Variants in ROBO1 observed in about 807,000 individuals in gnomAD.
ROBO1 encodes the protein roundabout guidance receptor 1, also known as roundabout homolog 1.
Under a neutral mutation model 195.9 loss-of-function variants are expected in ROBO1, and 149 were observed. That is an observed-to-expected ratio of 0.76 (90% CI 0.67 to 0.87). The LOEUF (loss-of-function observed/expected upper bound fraction) is 0.87, where lower values mean the gene tolerates loss of function less well. Among genes scored for constraint, ROBO1 ranks in the 40% least tolerant of loss-of-function variants. The pLI is 0.00. For missense variants in ROBO1, 1,933 were observed against 2,068.3 expected (o/e 0.93, Z 1.27); for synonymous variants, 816 against 733.2 (o/e 1.11, Z -1.82).
intron 1 of ROBO1, among the ~76,000 whole-genome samples, chr3:79,674,184 T>C (rs2106923742): frequency 6.6e-6 from 1 of 152,150 alleles, no homozygotes; most frequent in South Asian, 2.1e-4. Context: ...GGACCTGCAA[T>C]TGAGACACAC....
intron 2 of ROBO1, among the ~76,000 whole-genome samples, chr3:79,167,274 T>C (rs546490862): frequency 2.0e-5 from 3 of 152,258 alleles, no homozygotes; most frequent in South Asian, 4.1e-4. Context: ...TTTTTTTGTT[T>C]ACTCTTCACT....
intron 2 of ROBO1, among the ~76,000 whole-genome samples, chr3:79,477,692 T>G (rs1938615901): frequency 6.6e-6 from 1 of 152,180 alleles, no homozygotes; most frequent in Non-Finnish European, 1.5e-5. Flanking sequence ...ATTTTGAATT[T>G]GAGATTTCAT....
At chr3:79,251,754 A>C (rs1310052601) in intron 2 of ROBO1, among the ~76,000 whole-genome samples, 1 of 152,108 alleles carries the variant, frequency 6.6e-6, no homozygotes, top group Non-Finnish European at 1.5e-5. Flanking sequence ...TGCCTCAAAC[A>C]AACAAAAGCA....
intron 7 of ROBO1, 66 bp downstream of exon 7, chr3:78,717,209 G>T: frequency 1.4e-6 from 2 of 1,470,762 alleles, no homozygotes; most frequent in Admixed American, 2.4e-5. Flanking sequence ...CGGATGTGGA[G>T]ATGATGTGAT....
At chr3:78,960,576 C>A (rs956621079) in intron 3 of ROBO1, among the ~76,000 whole-genome samples, 3 of 151,768 alleles carry the variant, frequency 2.0e-5, no homozygotes, top group Non-Finnish European at 2.9e-5. Flanking sequence ...GTCAAGAGAT[C>A]GAGACCATCC....
At chr3:79,247,014 A>G (rs973925695) in intron 2 of ROBO1, among the ~76,000 whole-genome samples, 5 of 151,704 alleles carry the variant, frequency 3.3e-5, no homozygotes, top group African/African-American at 9.7e-5. Flanking sequence ...AACTGCCATT[A>G]TTGTCAGGCA....
intron 3 of ROBO1, among the ~76,000 whole-genome samples, chr3:79,071,356 T>C (rs2108436398): frequency 6.6e-6 from 1 of 151,994 alleles, no homozygotes; most frequent in African/African-American, 2.4e-5. Flanking sequence ...TCTTCTTTAA[T>C]TTTTATATTT....
chr3:78,640,765 C>T (rs1468489496), intron 21 of ROBO1, among the ~76,000 whole-genome samples: 5 of 152,042 alleles, frequency 3.3e-5, no homozygotes, highest in African/African-American at 1.2e-4. Context: ...ATACTTACCT[C>T]CATTCAGCAA....
chr3:79,707,911 T>A (rs1947822543), intron 1 of ROBO1, among the ~76,000 whole-genome samples: 1 of 152,318 alleles, frequency 6.6e-6, no homozygotes, highest in Middle Eastern at 3.4e-3. Flanking sequence ...TAACTAATCT[T>A]TAAATTTCAA....
intron 2 of ROBO1, among the ~76,000 whole-genome samples, chr3:79,175,742 A>G (rs1482915589): frequency 6.6e-6 from 1 of 152,174 alleles, no homozygotes; most frequent in African/African-American, 2.4e-5. Flanking sequence ...ATATTTGGCC[A>G]TGTGGCTGAA....
Position 78,892,761 on chromosome 3 carries a change from G to A in ROBO1, c.499+45840C>T, listed in dbSNP as rs186239281. On this transcript the variant is annotated intron_variant, in intron 4 of 30. Coordinates refer to ENST00000464233, the MANE Select transcript of ROBO1 (RefSeq NM_002941.4). ...TTCTCTTAATTTTTATGCCTAAAGG[G>A]TCAATCTAGATATATCAAGCCATTT... is the stretch of plus-strand genomic sequence containing the variant. Among the ~76,000 whole-genome samples, 13 of 152,194 alleles carry A rather than the reference G, an allele frequency of 8.5e-5. No homozygotes were observed. In the East Asian group the frequency reaches 2.5e-3, roughly 29 times the overall value.
At chr3:79,343,562 G>A (rs546246400) in intron 2 of ROBO1, among the ~76,000 whole-genome samples, 1 of 152,246 alleles carries the variant, frequency 6.6e-6, no homozygotes, top group East Asian at 1.9e-4. Context: ...TCACAGAAAT[G>A]CACCTGAGAC....
In ROBO1 at chr3:78,937,205, A is replaced by C. The variant is rs182292496; in HGVS notation, c.499+1396T>G. ...CATTCTCTAGGGCTGATTTCACGTT[A>C]ATAATATGATTGAGTTGGAATAATC... On this transcript the variant is annotated intron_variant, in intron 4 of 30. Transcript: ENST00000464233. Among the ~76,000 whole-genome samples, 84 of 152,080 alleles carry C rather than the reference A, an allele frequency of 5.5e-4. 1 individual carries two copies. Among genetic ancestry groups the C allele is most frequent in the Non-Finnish European group, 1.9e-4 (13 of 67,914 alleles).
At chr3:79,692,194 A>G (rs577084042) in intron 1 of ROBO1, among the ~76,000 whole-genome samples, 2 of 152,042 alleles carry the variant, frequency 1.3e-5, no homozygotes, top group South Asian at 4.1e-4. Context: ...AATAAAAGTA[A>G]CTATACTTTT....
intron 2 of ROBO1, among the ~76,000 whole-genome samples, chr3:79,173,276 A>G (rs918551852): frequency 2.6e-5 from 4 of 152,066 alleles, no homozygotes. Context: ...GCACTGTGGG[A>G]GCCCCTTCCT....
At chr3:79,679,405 A>T (rs1946878505) in intron 1 of ROBO1, among the ~76,000 whole-genome samples, 1 of 152,098 alleles carries the variant, frequency 6.6e-6, no homozygotes, top group East Asian at 1.9e-4. Flanking sequence ...GTATTCTCTT[A>T]CTTAAATACT....
At chr3:78,929,499 T>TATTC (rs1257746905) in intron 4 of ROBO1, among the ~76,000 whole-genome samples, 3 of 151,158 alleles carry the variant, frequency 2.0e-5, no homozygotes, top group Non-Finnish European at 1.5e-5. Context: ...TTTATTTATT[T>TATTC]ATTTATTTAT....
intron 5 of ROBO1, among the ~76,000 whole-genome samples, chr3:78,744,495 G>A (rs997127121): frequency 1.3e-5 from 2 of 152,160 alleles, no homozygotes; most frequent in African/African-American, 4.8e-5. Flanking sequence ...TACGCAGTTG[G>A]ACAATTATTA....
At chr3:78,956,345 T>C (rs1269015246) in intron 3 of ROBO1, among the ~76,000 whole-genome samples, 1 of 152,148 alleles carries the variant, frequency 6.6e-6, no homozygotes, top group Non-Finnish European at 1.5e-5. Context: ...CATTTTATTA[T>C]TGATAATATA....
Sources: allele counts gnomAD v4.1 joint callset (sites outside exome capture counted in the v4.1 genomes callset), GRCh38; gene constraint gnomAD v4.1.1; transcripts MANE v1.5; gene names NCBI Gene and HGNC (gene_info 2026-07-23, HGNC 2026-07-21).